CSMD1: variants seen among roughly 807,000 people sequenced by gnomAD.
CSMD1 encodes CUB and Sushi multiple domains 1, also known as CUB and sushi domain-containing protein 1.
A neutral mutation model predicts 417.5 loss-of-function variants in CSMD1; 213 were observed. The observed-to-expected ratio is 0.51, with a 90% CI of 0.46 to 0.57. The LOEUF is 0.57. Ranked by LOEUF, CSMD1 falls within the 20% of genes least tolerant of loss-of-function variation. The pLI is 0.00. For synonymous variants in CSMD1, 2,862 were observed against 1,736.8 expected (o/e 1.65, Z -16.11); for missense variants, 6,923 against 4,529.7 (o/e 1.53, Z -15.17).
intron 1 of CSMD1, among the ~76,000 whole-genome samples, chr8:4,963,131 T>A (rs906075578): frequency 6.6e-6 from 1 of 152,208 alleles, no homozygotes; most frequent in African/African-American, 2.4e-5. Flanking sequence ...GTGGCCCTCC[T>A]ACAGGCAGTC....
chr8:4,856,070 C>T (rs527356920), intron 1 of CSMD1, among the ~76,000 whole-genome samples: 1 of 152,194 alleles, frequency 6.6e-6, no homozygotes, highest in Non-Finnish European at 1.5e-5. Context: ...GATCTCTCGA[C>T]AGAAACCCTG....
intron 3 of CSMD1, among the ~76,000 whole-genome samples, chr8:4,092,383 C>G (rs1273459339): frequency 6.6e-6 from 1 of 152,122 alleles, no homozygotes. Context: ...CTGCTGTGCT[C>G]TCCACCGTAA....
intron 23 of CSMD1, among the ~76,000 whole-genome samples, chr8:3,340,399 T>C (rs1017102305): frequency 6.6e-6 from 1 of 152,212 alleles, no homozygotes; most frequent in Non-Finnish European, 1.5e-5. Flanking sequence ...TTTTTTTTAT[T>C]AAGCTATATA....
At chr8:4,112,322 G>C (rs1050877928) in intron 3 of CSMD1, among the ~76,000 whole-genome samples, 2 of 152,146 alleles carry the variant, frequency 1.3e-5, no homozygotes, top group Non-Finnish European at 2.9e-5. Context: ...ACTCCACCCT[G>C]GCAACGGACA....
intron 25 of CSMD1, among the ~76,000 whole-genome samples, chr8:3,288,389 T>G (rs570383508): frequency 6.8e-6 from 1 of 147,334 alleles, no homozygotes; most frequent in Non-Finnish European, 1.5e-5. Flanking sequence ...AGCTCCTCCT[T>G]GTACCTCTGG....
intron 3 of CSMD1, among the ~76,000 whole-genome samples, chr8:4,139,978 G>A (rs371618309): frequency 3.3e-5 from 5 of 150,710 alleles, no homozygotes; most frequent in East Asian, 3.9e-4. Flanking sequence ...GTTTATGTGG[G>A]CAGGGGTTGC....
At position 3,409,653 on chromosome 8, in the gene CSMD1, A is replaced by G. The variant is rs765164009; in HGVS notation, c.1562-48T>C. On this transcript the variant is annotated intron_variant, in intron 12 of 69. Transcript: ENST00000635120. ...ACCCTTAAAAAAACACACACAAGGAATATTTTTATCTCTACAACTTAGAAA... is the reference window on the plus strand; with the variant it reads ...ACCCTTAAAAAAACACACACAAGGAGTATTTTTATCTCTACAACTTAGAAA... 9 of 1,429,896 alleles carry G rather than the reference A, an allele frequency of 6.3e-6. No individual in the cohort carries two copies. The East Asian group carries it at 1.5e-4, about 24-fold the overall frequency. 88.6% of individuals were successfully genotyped at this position (1,429,896 alleles called of 1,614,324 possible).
intron 6 of CSMD1, among the ~76,000 whole-genome samples, chr8:3,736,601 G>A (rs1266826877): frequency 6.6e-6 from 1 of 152,134 alleles, no homozygotes; most frequent in South Asian, 2.1e-4. Flanking sequence ...CCTGGCTCCT[G>A]CAACACCAGG....
chr8:3,753,188 G>A (rs1388198285), intron 6 of CSMD1, among the ~76,000 whole-genome samples: 1 of 152,116 alleles, frequency 6.6e-6, no homozygotes, highest in Non-Finnish European at 1.5e-5. Context: ...GAAAGCTTAG[G>A]CACTTTGATT....
chr8:4,432,472 C>T (rs1797924386), intron 2 of CSMD1, among the ~76,000 whole-genome samples: 3 of 152,154 alleles, frequency 2.0e-5, no homozygotes, highest in Admixed American at 2.0e-4. Context: ...ACTCAAGTAT[C>T]AATTACCCTC....
At chr8:3,057,893 G>A (rs1334202963) in intron 49 of CSMD1, among the ~76,000 whole-genome samples, 1 of 152,098 alleles carries the variant, frequency 6.6e-6, no homozygotes, top group Non-Finnish European at 1.5e-5. Flanking sequence ...CCGCGACACT[G>A]AACAAAAACT....
In CSMD1 at chr8:3,190,047, A is replaced by G; in HGVS notation, c.5263T>C (p.Ser1755Pro). ...PEPRYGRRIG[S>P]EFSAGSIVRF... ...ACGATGGAGCCGGCAGAAAACTCAG[A>G]ACCAATTCTCCTTCCGTATCTGGGC... The change falls in exon 34 of 70, where the codon TCT becomes CCT. Residue 1755 changes from serine to proline, a missense_variant. Ser to Pro is a moderately conservative substitution (Grantham distance 74). Transcript: ENST00000635120. 1 of 1,596,054 alleles carries G rather than the reference A, an allele frequency of 6.3e-7. No individual in the cohort carries two copies. The highest frequency in any genetic ancestry group is 8.5e-7 in the Non-Finnish European group (1 of 1,171,494).
chr8:4,953,244 T>G (rs1808868919), intron 1 of CSMD1, among the ~76,000 whole-genome samples: 2 of 152,190 alleles, frequency 1.3e-5, no homozygotes, highest in African/African-American at 4.8e-5. Flanking sequence ...TTTTCCAGCC[T>G]TATCTTTTGA....
chr8:3,245,528 A>G (rs529185832), intron 26 of CSMD1, among the ~76,000 whole-genome samples: 9 of 152,194 alleles, frequency 5.9e-5, no homozygotes, highest in Non-Finnish European at 1.2e-4. Flanking sequence ...AGACCTAGGA[A>G]TGTCTTTCCT....
At chr8:3,684,596 C>CTTTTTTTT (rs141663569) in intron 7 of CSMD1, among the ~76,000 whole-genome samples, 1 of 127,940 alleles carries the variant, frequency 7.8e-6, no homozygotes, top group South Asian at 2.5e-4. Context: ...CTGATACAGT[C>CTTTTTTTT]TTTTTTTTTT....
intron 7 of CSMD1, among the ~76,000 whole-genome samples, chr8:3,672,619 G>T (rs1480018453): frequency 1.3e-5 from 2 of 152,136 alleles, no homozygotes; most frequent in African/African-American, 2.4e-5. Context: ...ACTCTTGAAG[G>T]TATTTACTTT....
intron 10 of CSMD1, among the ~76,000 whole-genome samples, chr8:3,558,600 C>A (rs531772362): frequency 1.6e-5 from 2 of 128,462 alleles, no homozygotes; most frequent in African/African-American, 3.8e-5. Flanking sequence ...CAATAGTACC[C>A]CGTGTCCACT....
At chr8:3,427,494 A>C (rs1049488182) in intron 12 of CSMD1, among the ~76,000 whole-genome samples, 1 of 152,202 alleles carries the variant, frequency 6.6e-6, no homozygotes, top group African/African-American at 2.4e-5. Flanking sequence ...TCACAGTCAA[A>C]TGATGAAAAT....
At chr8:4,121,577 T>TA (rs910877735) in intron 3 of CSMD1, among the ~76,000 whole-genome samples, 3 of 152,002 alleles carry the variant, frequency 2.0e-5, no homozygotes, top group African/African-American at 7.2e-5. Context: ...TCTTTTATTT[T>TA]TTTTTCAAAA....
Sources: gnomAD v4.1 joint callset for allele counts (sites outside exome capture counted in the v4.1 genomes callset) on GRCh38, gnomAD v4.1.1 for gene constraint, MANE v1.5 for transcripts, NCBI Gene and HGNC (gene_info 2026-07-23, HGNC 2026-07-21) for gene names.